Variants in TTLL9 observed in about 807,000 individuals in gnomAD.
The protein encoded by TTLL9 is probable tubulin polyglutamylase TTLL9.
In TTLL9, 47 loss-of-function variants were observed where a neutral mutation model predicts 65.6. The ratio of observed to expected loss-of-function variants is 0.72; its 90% CI spans 0.57 to 0.91. TTLL9 has a LOEUF of 0.91. Ranked by LOEUF, TTLL9 falls within the 40% of genes least tolerant of loss-of-function variation. The probability of loss-of-function intolerance (pLI) is 0.00; values close to 1 mark genes in which losing one functional copy is unlikely to be tolerated. For missense variants in TTLL9, 537 were observed against 568.8 expected (o/e 0.94, Z 0.57); for synonymous variants, 179 against 204.8 (o/e 0.87, Z 1.07).
chr20:31,882,625 T>C (rs554376609), intron 2 of TTLL9, among the ~76,000 whole-genome samples: 15 of 152,130 alleles, frequency 9.9e-5, no homozygotes, highest in African/African-American at 3.6e-4. Context: ...AAGATAATTT[T>C]TTAAAAAAAA....
At chr20:31,881,333 C>G (rs1555803991) in intron 2 of TTLL9, among the ~76,000 whole-genome samples, 1 of 152,198 alleles carries the variant, frequency 6.6e-6, no homozygotes, top group Non-Finnish European at 1.5e-5. Context: ...TTCCCTGTAT[C>G]CCTGGTCCTC....
intron 3 of TTLL9, among the ~76,000 whole-genome samples, chr20:31,890,150 CTTCCTTCTTTCTTTCT>C (rs2063280756): frequency 3.0e-4 from 5 of 16,748 alleles, no homozygotes; most frequent in South Asian, 1.4e-3. Flanking sequence ...TCCTTCCTTC[CTTCCTTCTTTCTTTCT>C]TTCTTTCTTT....
At chr20:31,911,974 G>A (rs1355160762) in intron 6 of TTLL9, among the ~76,000 whole-genome samples, 1 of 151,934 alleles carries the variant, frequency 6.6e-6, no homozygotes, top group Non-Finnish European at 1.5e-5. Flanking sequence ...TGTGTCCACT[G>A]CTTACAAGCT....
chr20:31,881,473 C>T (rs1423972904), intron 2 of TTLL9, among the ~76,000 whole-genome samples: 2 of 152,174 alleles, frequency 1.3e-5, no homozygotes, highest in African/African-American at 4.8e-5. Flanking sequence ...AGCCTCCTTC[C>T]TTTAACTTTC....
At chr20:31,891,264 T>C (rs1184482747) in intron 3 of TTLL9, among the ~76,000 whole-genome samples, 1 of 152,230 alleles carries the variant, frequency 6.6e-6, no homozygotes, top group Non-Finnish European at 1.5e-5. Context: ...ATCTTTGTAA[T>C]ATGCCAAATT....
At chr20:31,942,146 G>A (rs1487291010) in intron 14 of TTLL9, among the ~76,000 whole-genome samples, 1 of 152,204 alleles carries the variant, frequency 6.6e-6, no homozygotes, top group Non-Finnish European at 1.5e-5. Context: ...TTGGGGGGAT[G>A]TGGAAGATGG....
intron 2 of TTLL9, chr20:31,883,913 C>A: frequency 2.4e-6 from 1 of 410,392 alleles, no homozygotes; most frequent in South Asian, 1.2e-4. Context: ...CACTTTTAGT[C>A]AACTTTGTAC....
At chr20:31,942,822 C>G in intron 14 of TTLL9, 123 bp from the exon 15 acceptor site, 1 of 904,072 alleles carries the variant, frequency 1.1e-6, no homozygotes, top group East Asian at 2.4e-5. Context: ...GGATATAAAC[C>G]ACAGGCTGTG....
intron 8 of TTLL9, among the ~76,000 whole-genome samples, chr20:31,923,906 AGACCTTGCCCCT>A (rs1214425230): frequency 2.0e-5 from 3 of 151,984 alleles, no homozygotes; most frequent in Non-Finnish European, 4.4e-5. Context: ...TCCCCAGCCG[AGACCTTGCCCCT>A]GAACCCCAGA....
At chr20:31,885,780 C>T (rs1010023917) in intron 2 of TTLL9, among the ~76,000 whole-genome samples, 42 of 152,168 alleles carry the variant, frequency 2.8e-4, no homozygotes, top group Non-Finnish European at 4.6e-4. Flanking sequence ...ATGGAGGAGT[C>T]TGTGAATTTG....
At chr20:31,910,704 T>C (rs1250099585) in intron 6 of TTLL9, among the ~76,000 whole-genome samples, 1 of 152,156 alleles carries the variant, frequency 6.6e-6, no homozygotes, top group Non-Finnish European at 1.5e-5. Context: ...GTAAAGCACA[T>C]AGTAAGTACT....
intron 2 of TTLL9, among the ~76,000 whole-genome samples, chr20:31,873,784 A>G (rs557575636): frequency 2.0e-5 from 3 of 149,350 alleles, no homozygotes; most frequent in African/African-American, 5.0e-5. Flanking sequence ...GAAAGAAAGA[A>G]AAAGAAAGAA....
At chr20:31,924,252 G>A (rs925345084) in intron 8 of TTLL9, among the ~76,000 whole-genome samples, 12 of 152,106 alleles carry the variant, frequency 7.9e-5, no homozygotes, top group Middle Eastern at 3.4e-3. Flanking sequence ...ACCCCAACGT[G>A]GCAGCCAGAG....
intron 8 of TTLL9, 129 bp from the exon 9 acceptor site, chr20:31,924,880 T>C (rs2063873073): frequency 2.0e-6 from 2 of 1,002,136 alleles, no homozygotes; most frequent in Non-Finnish European, 1.5e-6. Context: ...CCTAGCCCCT[T>C]GTGTAGTTTC....
chr20:31,884,719 G>C (rs910216789), intron 2 of TTLL9, among the ~76,000 whole-genome samples: 1 of 152,148 alleles, frequency 6.6e-6, no homozygotes, highest in Admixed American at 6.5e-5. Context: ...CTGACACTCT[G>C]ACATTGACTC....
chr20:31,929,603 T>G (rs537736186), intron 10 of TTLL9, among the ~76,000 whole-genome samples: 1 of 152,164 alleles, frequency 6.6e-6, no homozygotes, highest in South Asian at 2.1e-4. Context: ...TTTTTTTTTT[T>G]CATTAATGAA....
chr20:31,906,578 G>A (rs2063562594), intron 4 of TTLL9, among the ~76,000 whole-genome samples: 1 of 152,142 alleles, frequency 6.6e-6, no homozygotes, highest in Non-Finnish European at 1.5e-5. Flanking sequence ...TCCTCCAGAT[G>A]TCTTTTAAAA....
Position 31,879,900 on chromosome 20 carries a change from A to G in TTLL9, c.70-7296A>G, listed in dbSNP as rs1202306287. The G allele has an allele frequency of 6.5e-6, 10 of 1,549,618 alleles. No individual in the cohort carries two copies. In the African/African-American group the frequency reaches 1.1e-4, roughly 17 times the overall value. On this transcript the variant is annotated intron_variant, in intron 2 of 14. Coordinates refer to ENST00000535842, the MANE Select transcript of TTLL9 (RefSeq NM_001008409.5). ...ATCGCGTTATGTCGCGACCGAAGGT[A>G]GGAGTCGACCTGACCCAGATGCTTT... is the stretch of plus-strand genomic sequence containing the variant.
At chr20:31,930,782 C>T (rs2063995123) in intron 10 of TTLL9, among the ~76,000 whole-genome samples, 1 of 152,120 alleles carries the variant, frequency 6.6e-6, no homozygotes, top group South Asian at 2.1e-4. Flanking sequence ...AGTTCTGTTT[C>T]TCTGTGGATT....
Sources: allele counts gnomAD v4.1 joint callset (sites outside exome capture counted in the v4.1 genomes callset), GRCh38; gene constraint gnomAD v4.1.1; transcripts MANE v1.5; gene names NCBI Gene and HGNC (gene_info 2026-07-23, HGNC 2026-07-21).